PSORS1C1: variants seen among roughly 807,000 people sequenced by gnomAD.
PSORS1C1 encodes the protein psoriasis susceptibility 1 candidate 1, also known as psoriasis susceptibility 1 candidate gene 1 protein.
In PSORS1C1, 7 loss-of-function variants were observed where a neutral mutation model predicts 9.4. The ratio of observed to expected loss-of-function variants is 0.75; its 90% CI spans 0.42 to 1.40. The LOEUF is 1.40. PSORS1C1 is among the 40% of genes most tolerant of loss of function. PSORS1C1 has a pLI of 0.01. For missense variants in PSORS1C1, 146 were observed against 178.1 expected (o/e 0.82, Z 1.02); for synonymous variants, 63 against 69.4 (o/e 0.91, Z 0.46).
chr6:31,129,966 T>C (rs1772833099), intron 3 of PSORS1C1, among the ~76,000 whole-genome samples: 1 of 152,184 alleles, frequency 6.6e-6, no homozygotes, highest in East Asian at 1.9e-4. Context: ...GGCACATGCC[T>C]GTGGTCCCAG....
chr6:31,123,670 C>T (rs3095310), intron 1 of PSORS1C1, among the ~76,000 whole-genome samples: 71,367 of 152,134 alleles, frequency 0.47, 18,213 homozygotes, highest in African/African-American at 0.68. Context: ...AGCCATGTAT[C>T]ATGAAGCAGG....
intron 1 of PSORS1C1, chr6:31,120,417 C>CATCT: frequency 6.3e-7 from 1 of 1,582,680 alleles, no homozygotes; most frequent in South Asian, 1.2e-5. Context: ...GAGACGAGCC[C>CATCT]ATCTCGGACT....
At chr6:31,131,377 A>G (rs1772904627) in intron 3 of PSORS1C1, among the ~76,000 whole-genome samples, 1 of 151,920 alleles carries the variant, frequency 6.6e-6, no homozygotes, top group Non-Finnish European at 1.5e-5. Flanking sequence ...GTGGATCACG[A>G]GGTCGGGAGT....
chr6:31,126,026 C>T (rs1396840678), intron 2 of PSORS1C1, among the ~76,000 whole-genome samples, 187 bp downstream of exon 2: 1 of 151,274 alleles, frequency 6.6e-6, no homozygotes, highest in African/African-American at 2.4e-5. Flanking sequence ...CTCTTATGTG[C>T]AAAGCCCCTG....
chr6:31,120,894 A>G (rs3095317), intron 1 of PSORS1C1, among the ~76,000 whole-genome samples: 41,335 of 101,378 alleles, frequency 0.41, 5,827 homozygotes, highest in South Asian at 0.54. Context: ...AGCCCCACCC[A>G]CCCAACCCCA....
intron 2 of PSORS1C1, among the ~76,000 whole-genome samples, chr6:31,127,591 T>TATTATTATTATTATTATTATTA (rs1562764785): frequency 6.7e-6 from 1 of 148,776 alleles, no homozygotes; most frequent in Non-Finnish European, 1.5e-5. Context: ...TTATTATTAT[T>TATTATTATTATTATTATTATTA]TTGAGATGGA....
At chr6:31,137,967 C>CG (rs35474509) in intron 3 of PSORS1C1, 1 of 1,496,604 alleles carries the variant, frequency 6.7e-7, no homozygotes, top group South Asian at 1.4e-5. Context: ...GTACTCTTCC[C>CG]GGGGTGGGTC....
rs1489260615 is a variant in PSORS1C1 at position 31,139,808 on chromosome 6, A to T, written c.335A>T (p.Gln112Leu). The T allele has an allele frequency of 6.2e-7, 1 of 1,613,058 alleles. No homozygotes were observed. Among genetic ancestry groups the T allele is most frequent in the Non-Finnish European group, 8.5e-7 (1 of 1,180,018 alleles). The change falls in exon 6 of 6, where the codon CAG (glutamine) becomes CTG (leucine). Residue 112 changes from glutamine (Q) to leucine (L), a missense_variant. Gln to Leu is a moderately radical substitution (Grantham distance 113). Coordinates refer to ENST00000259881, the MANE Select transcript of PSORS1C1 (RefSeq NM_014068.3). The surrounding 1 kb of genome is among the most constrained non-coding windows in gnomAD (Gnocchi z 5.2). ...PMAPEEAARLQQPQPLPPPSG... is the reference protein window; with the variant it reads ...PMAPEEAARLLQPQPLPPPSG... ...GCTCCGGAAGAAGCTGCCAGGCTCC[A>T]GCAACCTCAGCCCCTTCCTCCTCCC... is the stretch of plus-strand genomic sequence containing the variant.
intron 1 of PSORS1C1, among the ~76,000 whole-genome samples, chr6:31,124,732 G>A (rs966050070): frequency 7.2e-5 from 11 of 152,240 alleles, no homozygotes; most frequent in Admixed American, 3.3e-4. Flanking sequence ...CACTCTGGGA[G>A]GCCAAGGCAG....
At chr6:31,116,246 G>A (rs1469014555) in intron 1 of PSORS1C1, 1 of 1,613,950 alleles carries the variant, frequency 6.2e-7, no homozygotes, top group African/African-American at 1.3e-5. Context: ...ATGCAAGGGT[G>A]ACCAGAAGAG....
intron 1 of PSORS1C1, among the ~76,000 whole-genome samples, chr6:31,123,495 A>T (rs1772550504): frequency 6.6e-6 from 1 of 152,248 alleles, no homozygotes; most frequent in Non-Finnish European, 1.5e-5. Context: ...CGTCCACAGT[A>T]GTGCAGGCAG....
chr6:31,121,390 G>A (rs1035189204), intron 1 of PSORS1C1, among the ~76,000 whole-genome samples: 5 of 152,198 alleles, frequency 3.3e-5, no homozygotes, highest in African/African-American at 1.2e-4. Flanking sequence ...CGAGCAGGAA[G>A]CAGCAGCCAG....
chr6:31,116,426 G>A (rs781189010), intron 1 of PSORS1C1: 3 of 1,590,408 alleles, frequency 1.9e-6, no homozygotes, highest in Non-Finnish European at 2.6e-6. Flanking sequence ...CTGGGGACTC[G>A]AGAACTGGAG....
intron 1 of PSORS1C1, among the ~76,000 whole-genome samples, chr6:31,125,204 G>A (rs539355748): frequency 6.6e-6 from 1 of 152,286 alleles, no homozygotes; most frequent in South Asian, 2.1e-4. Flanking sequence ...GAAGGAAAGG[G>A]GCCACCCAGA....
intron 3 of PSORS1C1, among the ~76,000 whole-genome samples, chr6:31,133,344 G>A (rs1029317499): frequency 6.6e-6 from 1 of 152,148 alleles, no homozygotes; most frequent in African/African-American, 2.4e-5. Flanking sequence ...AAATGCAGCT[G>A]GTTTGGGAGA....
intron 1 of PSORS1C1, chr6:31,117,406 C>T (rs1454842610): frequency 6.4e-7 from 1 of 1,567,990 alleles, no homozygotes; most frequent in African/African-American, 1.4e-5. Flanking sequence ...ACTGCTGGAG[C>T]CACTGTAGCT....
At chr6:31,137,315 G>A (rs1773188964) in intron 3 of PSORS1C1, among the ~76,000 whole-genome samples, 1 of 151,742 alleles carries the variant, frequency 6.6e-6, no homozygotes, top group Non-Finnish European at 1.5e-5. Context: ...AAATTAGCCT[G>A]GCGTGGTGGC....
At chr6:31,116,487 C>A (rs1425919963) in intron 1 of PSORS1C1, 1 of 1,606,838 alleles carries the variant, frequency 6.2e-7, no homozygotes, top group South Asian at 1.1e-5. Context: ...AGAGCTGGAC[C>A]CCACCAGTCC....
chr6:31,117,754 G>A, intron 1 of PSORS1C1: 1 of 578,574 alleles, frequency 1.7e-6, no homozygotes, highest in Non-Finnish European at 3.1e-6. Flanking sequence ...ACACCAACCA[G>A]AAAAATAGAA....
Sources: gnomAD v4.1 joint callset for allele counts (sites outside exome capture counted in the v4.1 genomes callset) on GRCh38, gnomAD v4.1.1 for gene constraint, Gnocchi (gnomAD v3.1) non-coding constraint, MANE v1.5 for transcripts, NCBI Gene and HGNC (gene_info 2026-07-23, HGNC 2026-07-21) for gene names.